Variants in GALNTL6 observed in about 807,000 individuals in gnomAD.
GALNTL6 encodes polypeptide N-acetylgalactosaminyltransferase like 6.
GALNTL6 carries 46 observed loss-of-function variants against 73.7 expected under a neutral mutation model. The observed-to-expected ratio is 0.62, with a 90% CI of 0.49 to 0.80. The LOEUF (loss-of-function observed/expected upper bound fraction) is 0.80. GALNTL6 is among the 30% of genes least tolerant of loss of function. The pLI is 0.00. For missense variants in GALNTL6, 604 were observed against 755.0 expected (o/e 0.80, Z 2.34); for synonymous variants, 259 against 263.7 (o/e 0.98, Z 0.17).
intron 5 of GALNTL6, among the ~76,000 whole-genome samples, chr4:172,440,478 G>A (rs890485912): frequency 2.0e-5 from 3 of 152,072 alleles, no homozygotes; most frequent in Admixed American, 1.3e-4. Context: ...TGAGGGTTGG[G>A]GTATTGGGAG....
At chr4:172,645,154 A>G (rs1740179721) in intron 5 of GALNTL6, among the ~76,000 whole-genome samples, 1 of 151,922 alleles carries the variant, frequency 6.6e-6, no homozygotes, top group Non-Finnish European at 1.5e-5. Context: ...TTGACTTTTC[A>G]TTATTATAAT....
At chr4:171,894,795 C>T (rs1323445950) in intron 2 of GALNTL6, among the ~76,000 whole-genome samples, 1 of 152,086 alleles carries the variant, frequency 6.6e-6, no homozygotes, top group African/African-American at 2.4e-5. Context: ...TGAAAGAGTT[C>T]CAAGGGACTT....
intron 5 of GALNTL6, among the ~76,000 whole-genome samples, chr4:172,682,858 T>A (rs1385384881): frequency 8.6e-5 from 13 of 151,780 alleles, no homozygotes; most frequent in Non-Finnish European, 1.6e-4. Flanking sequence ...GGGAAAAAAA[T>A]TAGAAAAAAA....
At chr4:172,924,372 G>T (rs1375860036) in intron 8 of GALNTL6, among the ~76,000 whole-genome samples, 1 of 152,194 alleles carries the variant, frequency 6.6e-6, no homozygotes, top group Admixed American at 6.5e-5. Context: ...GGCTCCATGT[G>T]CTCAAAACTT....
At chr4:172,250,997 GC>G (rs1311265178) in intron 3 of GALNTL6, among the ~76,000 whole-genome samples, 4 of 151,984 alleles carry the variant, frequency 2.6e-5, no homozygotes, top group Admixed American at 2.6e-4. Flanking sequence ...GACACATTGG[GC>G]CCAGGATGAT....
At chr4:172,421,893 G>A (rs139554835) in intron 5 of GALNTL6, among the ~76,000 whole-genome samples, 10 of 152,142 alleles carry the variant, frequency 6.6e-5, no homozygotes, top group Middle Eastern at 6.8e-3. Context: ...TATTTGAAAG[G>A]CATTAATAAT....
intron 2 of GALNTL6, among the ~76,000 whole-genome samples, chr4:172,203,394 A>G (rs1170886070): frequency 2.0e-5 from 3 of 152,218 alleles, no homozygotes; most frequent in Admixed American, 2.0e-4. Context: ...GGTGTCTTTA[A>G]GGTTTTCAGT....
chr4:172,895,932 A>G (rs1746305551), intron 8 of GALNTL6, among the ~76,000 whole-genome samples: 1 of 151,970 alleles, frequency 6.6e-6, no homozygotes, highest in African/African-American at 2.4e-5. Flanking sequence ...CATTTCATGC[A>G]TTGTATTTGT....
At chr4:172,566,721 G>A (rs1172947659) in intron 5 of GALNTL6, among the ~76,000 whole-genome samples, 4 of 150,610 alleles carry the variant, frequency 2.7e-5, no homozygotes, top group East Asian at 1.9e-4. Flanking sequence ...AAAAACAACA[G>A]AAAAAAATAA....
At chr4:171,979,212 G>A (rs527500469) in intron 2 of GALNTL6, among the ~76,000 whole-genome samples, 1 of 152,304 alleles carries the variant, frequency 6.6e-6, no homozygotes, top group South Asian at 2.1e-4. Context: ...CACAAAGGCA[G>A]TGTTTTTTAA....
intron 5 of GALNTL6, among the ~76,000 whole-genome samples, chr4:172,740,826 G>A (rs114731858): frequency 0.014 from 2,110 of 152,192 alleles, 42 homozygotes; most frequent in African/African-American, 0.047. Context: ...GAAAATTCAT[G>A]TGTTAGCTTC....
intron 5 of GALNTL6, among the ~76,000 whole-genome samples, chr4:172,622,714 C>T (rs1739011583): frequency 1.3e-5 from 2 of 152,048 alleles, no homozygotes; most frequent in Admixed American, 1.3e-4. Flanking sequence ...CCAAAGGAAT[C>T]CCCAGGATGA....
chr4:172,652,604 C>G (rs530305197), intron 5 of GALNTL6, among the ~76,000 whole-genome samples: 1 of 152,318 alleles, frequency 6.6e-6, no homozygotes, highest in Admixed American at 6.5e-5. Context: ...AGAACAGACT[C>G]TATCCCCAGG....
In GALNTL6 at chr4:172,617,728, G is replaced by A. The variant is rs961153277; in HGVS notation, c.554-191633G>A. On this transcript the variant is annotated intron_variant, in intron 5 of 12. Transcript: ENST00000506823. Reference sequence around the variant, plus strand: ...AATCTCCTGACCTCATGATCTACCCGCCTCGGCCTCCCTAAGTACTGGGAT... The same window carrying A: ...AATCTCCTGACCTCATGATCTACCCACCTCGGCCTCCCTAAGTACTGGGAT... 7.2e-5 allele frequency among the ~76,000 whole-genome samples: 11 copies of A among 151,960 alleles called. No individual in the cohort carries two copies. In the South Asian group the frequency reaches 1.7e-3, roughly 23 times the overall value.
chr4:172,145,376 G>A (rs754880393), intron 2 of GALNTL6, among the ~76,000 whole-genome samples: 2 of 152,044 alleles, frequency 1.3e-5, no homozygotes, highest in Admixed American at 6.5e-5. Flanking sequence ...TCCTGACCTC[G>A]TGATCCGCCC....
At chr4:172,693,076 A>G (rs1265819762) in intron 5 of GALNTL6, among the ~76,000 whole-genome samples, 1 of 152,222 alleles carries the variant, frequency 6.6e-6, no homozygotes, top group Non-Finnish European at 1.5e-5. Flanking sequence ...TATGCATAAA[A>G]TGGAAGAATT....
At chr4:172,932,132 C>G (rs890968680) in intron 9 of GALNTL6, among the ~76,000 whole-genome samples, 2 of 152,134 alleles carry the variant, frequency 1.3e-5, no homozygotes, top group African/African-American at 4.8e-5. Flanking sequence ...CTATTTGGAT[C>G]TTTTATATAA....
intron 8 of GALNTL6, among the ~76,000 whole-genome samples, chr4:172,918,022 G>A (rs1161930382): frequency 6.6e-6 from 1 of 152,162 alleles, no homozygotes; most frequent in Non-Finnish European, 1.5e-5. Flanking sequence ...ATGATAGACT[G>A]GATAAAGAAA....
chr4:172,385,041 TA>T lies in GALNTL6; in HGVS notation c.553+36353del, dbSNP rs1313616118. Reference sequence around the variant, plus strand: ...TTTTGTTTTTTTGTTTTTTTTTTTTTACCCATTGGTTATTTAGAAGTGTGTT... The same window carrying T: ...TTTTGTTTTTTTGTTTTTTTTTTTTTCCCATTGGTTATTTAGAAGTGTGTT... On this transcript the variant is annotated intron_variant, in intron 5 of 12. Transcript: ENST00000506823. Among the ~76,000 whole-genome samples the T allele has an allele frequency of 7.1e-4, 104 of 147,302 alleles. 2 individuals carry two copies. The highest frequency in any genetic ancestry group is 6.9e-3 in the Admixed American group (102 of 14,814).
Sources: gnomAD v4.1 joint callset for allele counts (sites outside exome capture counted in the v4.1 genomes callset) on GRCh38, gnomAD v4.1.1 for gene constraint, MANE v1.5 for transcripts, NCBI Gene and HGNC (gene_info 2026-07-23, HGNC 2026-07-21) for gene names.